Variants in CDH23 observed in about 807,000 individuals in gnomAD.
CDH23 encodes the protein cadherin related 23.
Under a neutral mutation model 317.1 loss-of-function variants are expected in CDH23, and 189 were observed. The ratio of observed to expected loss-of-function variants is 0.60; its 90% CI spans 0.53 to 0.67. The LOEUF is 0.67. Ranked by LOEUF, CDH23 falls within the 30% of genes least tolerant of loss-of-function variation. The pLI is 0.00. For synonymous variants in CDH23, 1,839 were observed against 1,876.8 expected (o/e 0.98, Z 0.52); for missense variants, 4,401 against 4,592.4 (o/e 0.96, Z 1.20).
Position 71,687,640 on chromosome 10 carries a change from CT to C in CDH23, c.1987-5del. ...AGCCTCCTGCAACCTGTCTGTGTTC[CT>C]TCCAGGATGAGAATGACAACCCTCC... is the stretch of plus-strand genomic sequence containing the variant. On this transcript the variant is annotated splice_region_variant and splice_polypyrimidine_tract_variant and intron_variant, in intron 18 of 69. Coordinates refer to ENST00000224721, the MANE Select transcript of CDH23 (RefSeq NM_022124.6). The C allele has an allele frequency of 6.2e-7, 1 of 1,613,828 alleles. No homozygotes were observed. The highest frequency in any genetic ancestry group is 8.5e-7 in the Non-Finnish European group (1 of 1,179,842).
At chr10:71,671,606 C>G (rs1197108503) in intron 14 of CDH23, among the ~76,000 whole-genome samples, 1 of 151,254 alleles carries the variant, frequency 6.6e-6, no homozygotes, top group Non-Finnish European at 1.5e-5. Context: ...GGTGCCATGA[C>G]AAGCAGATTG....
chr10:71,759,056 T>TGGGGTG (rs1840222239), intron 38 of CDH23, among the ~76,000 whole-genome samples: 1 of 151,084 alleles, frequency 6.6e-6, no homozygotes, highest in African/African-American at 2.4e-5. Flanking sequence ...GTTTTTTTTT[T>TGGGGTG]GAGATGGAGT....
intron 1 of CDH23, among the ~76,000 whole-genome samples, chr10:71,403,454 T>TTCCTTCCTTCCTTTCC (rs1227991708): frequency 2.8e-5 from 1 of 35,266 alleles, no homozygotes; most frequent in Admixed American, 3.7e-4. Flanking sequence ...CCTTCCTTCC[T>TTCCTTCCTTCCTTTCC]TTCCTTCCTT....
At position 71,682,486 on chromosome 10, in the gene CDH23, A is replaced by C. The variant is rs762636289; in HGVS notation, c.1900A>C (p.Asn634His). The C allele has an allele frequency of 6.2e-7, 1 of 1,613,078 alleles. No homozygotes were observed. The highest frequency in any genetic ancestry group is 8.5e-7 in the Non-Finnish European group (1 of 1,179,536). ...CCCCCTGGATTATGAACAGATATCC[A>C]ATGGGCTGATTTATCTGACGGTCAT... ...SRPLDYEQIS[N>H]GLIYLTVMAM... The change falls in exon 18 of 70, where the codon AAT becomes CAT. Residue 634 changes from asparagine to histidine, a missense_variant. Physicochemically the swap from Asn to His is moderately conservative, Grantham distance 68 (BLOSUM62 1). Around this residue, in one of 3 missense-constraint regions of CDH23, gnomAD observed 3,068 missense variants for 3,203.3 expected, o/e 0.96. Coordinates refer to ENST00000224721, the MANE Select transcript of CDH23 (RefSeq NM_022124.6).
intron 1 of CDH23, among the ~76,000 whole-genome samples, chr10:71,425,938 GT>G (rs1849056984): frequency 6.6e-6 from 1 of 152,232 alleles, no homozygotes; most frequent in Non-Finnish European, 1.5e-5. Flanking sequence ...TTTTGGGAAG[GT>G]TTTGGGGTGC....
At chr10:71,442,922 T>G (rs1432766451) in intron 2 of CDH23, among the ~76,000 whole-genome samples, 2 of 152,064 alleles carry the variant, frequency 1.3e-5, no homozygotes, top group Non-Finnish European at 2.9e-5. Context: ...GGGCAGGGCT[T>G]TTTGTCCCCA....
intron 12 of CDH23, among the ~76,000 whole-genome samples, chr10:71,644,930 C>T (rs1236204944): frequency 6.6e-6 from 1 of 152,220 alleles, no homozygotes; most frequent in Non-Finnish European, 1.5e-5. Flanking sequence ...CAAGTGCAGG[C>T]AGGAAGAGGA....
At chr10:71,599,883 C>A (rs914593869) in intron 9 of CDH23, among the ~76,000 whole-genome samples, 2 of 151,620 alleles carry the variant, frequency 1.3e-5, no homozygotes, top group Non-Finnish European at 2.9e-5. Context: ...CTTTAAGCAT[C>A]TTTCCATTTT....
chr10:71,682,131 C>T (rs755160289), intron 17 of CDH23, among the ~76,000 whole-genome samples: 1 of 152,226 alleles, frequency 6.6e-6, no homozygotes, highest in Non-Finnish European at 1.5e-5. Context: ...AACCTAGGCT[C>T]ATCTCCCCAC....
At chr10:71,525,301 T>C (rs1264461906) in intron 6 of CDH23, among the ~76,000 whole-genome samples, 1 of 152,230 alleles carries the variant, frequency 6.6e-6, no homozygotes, top group Non-Finnish European at 1.5e-5. Flanking sequence ...CCACTACGTA[T>C]GTAGTAACTT....
chr10:71,652,793 C>G (rs1589299107), intron 14 of CDH23, among the ~76,000 whole-genome samples: 1 of 152,204 alleles, frequency 6.6e-6, no homozygotes, highest in East Asian at 1.9e-4. Context: ...ACCCTCAGAG[C>G]TGTGGCCCTG....
At chr10:71,807,824 C>T (rs1251174315) in intron 59 of CDH23, 22 bp from the exon 60 acceptor site, 3 of 1,592,902 alleles carry the variant, frequency 1.9e-6, no homozygotes, top group African/African-American at 1.3e-5. Flanking sequence ...CTGCCACTTA[C>T]ACCACCTGCC....
At chr10:71,538,287 C>A (rs959145882) in intron 6 of CDH23, among the ~76,000 whole-genome samples, 7 of 152,180 alleles carry the variant, frequency 4.6e-5, no homozygotes, top group Non-Finnish European at 1.0e-4. Context: ...GCCACCAGGT[C>A]CCCCAGTGAG....
chr10:71,702,741 G>T, intron 24 of CDH23, 47 bp downstream of exon 24: 1 of 1,610,014 alleles, frequency 6.2e-7, no homozygotes, highest in South Asian at 1.1e-5. Flanking sequence ...GTGGGCAGTG[G>T]GTGCCTGAGG....
chr10:71,765,591 G>A (rs373052612), intron 38 of CDH23, among the ~76,000 whole-genome samples: 4 of 152,302 alleles, frequency 2.6e-5, no homozygotes, highest in Non-Finnish European at 4.4e-5. Flanking sequence ...CATAGCACCC[G>A]CAGCAGTAGG....
At chr10:71,591,869 C>A (rs1859516056) in intron 9 of CDH23, among the ~76,000 whole-genome samples, 1 of 152,068 alleles carries the variant, frequency 6.6e-6, no homozygotes, top group Admixed American at 6.5e-5. Context: ...ATGGGGTGCA[C>A]TAGCACCCAC....
intron 38 of CDH23, among the ~76,000 whole-genome samples, chr10:71,743,787 T>C (rs1244848510): frequency 6.6e-6 from 1 of 152,224 alleles, no homozygotes. Context: ...AAACTGACTA[T>C]GGAGTCATAA....
intron 1 of CDH23, among the ~76,000 whole-genome samples, chr10:71,405,432 C>CTTTTT (rs397824446): frequency 7.7e-6 from 1 of 130,676 alleles, no homozygotes. Flanking sequence ...GGTAGACTAT[C>CTTTTT]TTTTTTTTTT....
At chr10:71,410,569 T>C (rs1848305250) in intron 1 of CDH23, among the ~76,000 whole-genome samples, 3 of 152,204 alleles carry the variant, frequency 2.0e-5, no homozygotes, top group Admixed American at 2.0e-4. Flanking sequence ...TGCAAATGTG[T>C]TTATCCTGAG....
Sources: allele counts gnomAD v4.1 joint callset (sites outside exome capture counted in the v4.1 genomes callset), GRCh38; gene constraint gnomAD v4.1.1; regional missense constraint gnomAD v4.1.1; transcripts MANE v1.5; gene names NCBI Gene and HGNC (gene_info 2026-07-23, HGNC 2026-07-21).